The following TSPOAP1 variants were observed in gnomAD, a reference collection of about 807,000 sequenced individuals.
TSPOAP1 encodes TSPO associated protein 1.
TSPOAP1 carries 87 observed loss-of-function variants against 197.0 expected under a neutral mutation model. The ratio of observed to expected loss-of-function variants is 0.44; its 90% CI spans 0.37 to 0.53. The LOEUF (loss-of-function observed/expected upper bound fraction) is 0.53, where lower values mean the gene tolerates loss of function less well. TSPOAP1 is among the 20% of genes least tolerant of loss of function. TSPOAP1 has a pLI of 0.00. For missense variants in TSPOAP1, 2,174 were observed against 2,411.3 expected (o/e 0.90, Z 2.06); for synonymous variants, 913 against 998.9 (o/e 0.91, Z 1.62).
chr17:58,309,069 A>G lies in TSPOAP1; in HGVS notation c.4203T>C (p.Gly1401=). ...CCCCTCCTCTCCTCCGGCTGCTTCC[A>G]CCAACTAATCCAGGCATGTCTTCCA... ...DCLEDMPGLV[G]GSSRRRGGGS... is the part of the protein sequence containing the mutation. Residue 1401 remains glycine (G), a synonymous_variant, in exon 22 of 32, where the codon GGT becomes GGC. Transcript: ENST00000343736. This position sits in a 1 kb window ranked among gnomAD's most constrained non-coding sequence, Gnocchi z 5.0. The G allele has an allele frequency of 6.2e-7, 1 of 1,612,856 alleles. No homozygotes were observed. Among genetic ancestry groups the G allele is most frequent in the Non-Finnish European group, 8.5e-7 (1 of 1,179,964 alleles).
At position 58,304,031 on chromosome 17, in the gene TSPOAP1, C is replaced by T. The variant is rs553855567; in HGVS notation, c.*32+307G>A. On this transcript the variant is annotated intron_variant, in intron 31 of 31. Transcript: ENST00000343736. The surrounding 1 kb of genome is among the most constrained non-coding windows in gnomAD (Gnocchi z 4.2). ...CTGATGAGTCCTAATATGGATGTCA[C>T]GTCATGTTCTATAAACCACATGTGT... 40 of 316,850 alleles carry T rather than the reference C, an allele frequency of 1.3e-4. No homozygotes were observed. In the East Asian group the frequency reaches 2.3e-3, roughly 18 times the overall value. 19.6% of individuals were successfully genotyped at this position (316,850 alleles called of 1,614,324 possible).
In TSPOAP1 at chr17:58,327,490, C is replaced by T. The variant is rs9904629; in HGVS notation, c.333+98G>A. The stretch of plus-strand genomic sequence containing the variant: ...GACAGGCCAAGAGAGGACAGGTGGG[C>T]ATTGGGGATGCATACCTCGCCTCAC... On this transcript the variant is annotated intron_variant, in intron 1 of 31. Coordinates refer to ENST00000343736, the MANE Select transcript of TSPOAP1 (RefSeq NM_004758.4). The T allele has an allele frequency of 2.4e-3, 2,923 of 1,226,848 alleles. 46 individuals are homozygous for T. The African/African-American group carries it at 0.038, about 16-fold the overall frequency. The allele number at this position is 1,226,848 out of a possible 1,614,324, so 76.0% of individuals were successfully genotyped here. A position where few individuals can be genotyped will look rare whatever the true frequency, so the allele number is the denominator to read the frequency against.
intron 31 of TSPOAP1, chr17:58,302,826 A>G (rs1431628515): frequency 2.5e-5 from 4 of 159,234 alleles, no homozygotes; most frequent in Admixed American, 1.8e-4. Flanking sequence ...CTCCAAAAAC[A>G]TGGAGCGCAA....
rs201337655 is a variant in TSPOAP1, at chr17:58,312,476, G to A, written c.2345C>T (p.Pro782Leu). 515 of 1,609,376 alleles carry A rather than the reference G, an allele frequency of 3.2e-4. 1 individual carries two copies. Among genetic ancestry groups the A allele is most frequent in the Middle Eastern group, 1.7e-4 (1 of 6,050 alleles). ...GGCAGGAGGCTCGCCCAGGCCCTCCGGTGATGGGCTCAGACTGAGCTCGTC... is the reference window on the plus strand; with the variant it reads ...GGCAGGAGGCTCGCCCAGGCCCTCCAGTGATGGGCTCAGACTGAGCTCGTC... ...AGDELSLSPS[P>L]EGLGEPPAVP... The change falls in exon 17 of 32, where the codon CCG becomes CTG. Residue 782 changes from proline to leucine, a missense_variant. Physicochemically the swap from Pro to Leu is moderately conservative, Grantham distance 98. This residue lies in a region of TSPOAP1 where 1,933 missense variants were observed against 2,139.0 expected (regional missense o/e 0.90). Transcript: ENST00000343736.
rs750208459 is a variant in TSPOAP1 at position 58,305,638 on chromosome 17, G to A, written c.5263C>T (p.Pro1755Ser). The A allele has an allele frequency of 2.0e-6, 3 of 1,523,996 alleles. No homozygotes were observed. Among genetic ancestry groups the A allele is most frequent in the Admixed American group, 2.0e-5 (1 of 50,284 alleles). The allele number at this position is 1,523,996 out of a possible 1,614,324, so 94.4% of individuals were successfully genotyped here. The change falls in exon 28 of 32, where the codon CCT (proline) becomes TCT (serine). Residue 1755 changes from proline to serine, a missense_variant. Coordinates refer to ENST00000343736, the MANE Select transcript of TSPOAP1 (RefSeq NM_004758.4). ...EGPAQPCPGP[P>S]KLVPSADLKA... ...AGGTCAGCAGAGGGGACCAGCTTAGGGGGGCCTGCAGGGGGAGTAGGAGAA... is the reference window on the plus strand; with the variant it reads ...AGGTCAGCAGAGGGGACCAGCTTAGAGGGGCCTGCAGGGGGAGTAGGAGAA...
intron 31 of TSPOAP1, chr17:58,303,498 C>G (rs182030898): frequency 3.3e-5 from 5 of 152,032 alleles, no homozygotes; most frequent in Admixed American, 6.6e-5. Context: ...AGCCGGCTGG[C>G]GAGCCCCAGG....
Position 58,308,908 on chromosome 17 carries a change from A to T in TSPOAP1, c.4364T>A (p.Ile1455Asn). Residue 1455 changes from isoleucine to asparagine, a missense_variant, in exon 22 of 32, where the codon ATT becomes AAT. Around this residue, in one of 5 missense-constraint regions of TSPOAP1, gnomAD observed 1,933 missense variants for 2,139.0 expected, o/e 0.90. Coordinates refer to ENST00000343736, the MANE Select transcript of TSPOAP1 (RefSeq NM_004758.4). Reference protein sequence around the residue: ...PTRERGGLPVIEGPRTGLEAS... With the variant: ...PTRERGGLPVNEGPRTGLEAS... The stretch of plus-strand genomic sequence containing the variant: ...CTCTAGTCCAGTCCTGGGGCCCTCA[A>T]TTACGGGGAGGCCACCCCTCTCCCG... 6.3e-7 allele frequency: 1 copy of T among 1,596,272 alleles called. No individual in the cohort carries two copies. Among genetic ancestry groups the T allele is most frequent in the Non-Finnish European group, 8.5e-7 (1 of 1,171,022 alleles).
Position 58,326,174 on chromosome 17 carries a change from G to C in TSPOAP1, c.570+119C>G. 1 of 1,475,330 alleles carries C rather than the reference G, an allele frequency of 6.8e-7. No homozygotes were observed. The highest frequency in any genetic ancestry group is 9.1e-7 in the Non-Finnish European group (1 of 1,102,356). The allele number at this position is 1,475,330 out of a possible 1,614,324, so 91.4% of individuals were successfully genotyped here. Reference sequence around the variant, plus strand: ...CCTGCACCTTAGCCCCTAGATTCTTGCTTTCCTAGGTGCTGAGCTGAGACC... The same window carrying C: ...CCTGCACCTTAGCCCCTAGATTCTTCCTTTCCTAGGTGCTGAGCTGAGACC... On this transcript the variant is annotated intron_variant, in intron 3 of 31. Transcript: ENST00000343736. The surrounding 1 kb of genome is among the most constrained non-coding windows in gnomAD (Gnocchi z 4.7).
rs752143444 is a variant in TSPOAP1, at chr17:58,325,655, G to C, written c.629C>G (p.Ala210Gly). 1.2e-6 allele frequency: 2 copies of C among 1,613,232 alleles called. No homozygotes were observed. Among genetic ancestry groups the C allele is most frequent in the South Asian group, 2.2e-5 (2 of 91,072 alleles). The change falls in exon 4 of 32, where the codon GCC becomes GGC. Residue 210 changes from alanine (A) to glycine (G), a missense_variant. Around this residue, in one of 5 missense-constraint regions of TSPOAP1, gnomAD observed 1,933 missense variants for 2,139.0 expected, o/e 0.90. Coordinates refer to ENST00000343736, the MANE Select transcript of TSPOAP1 (RefSeq NM_004758.4). ...TSLELCRKAL[A>G]RQRARDLSET... ...ACTGAGGTCCCGGGCTCGCTGGCGG[G>C]CTAGGGCCTTCCGACACAACTCCAA...
intron 7 of TSPOAP1, 91 bp from the exon 8 acceptor site, chr17:58,323,130 G>A (rs1169804135): frequency 2.0e-6 from 3 of 1,501,458 alleles, no homozygotes; most frequent in Non-Finnish European, 2.7e-6. Context: ...CCCAGGCAAG[G>A]CCTTCCTCCC....
At position 58,312,430 on chromosome 17, in the gene TSPOAP1, C is replaced by A. The variant is rs546848917; in HGVS notation, c.2391G>T (p.Leu797=). 2 of 1,613,212 alleles carry A rather than the reference C, an allele frequency of 1.2e-6. No homozygotes were observed. Among genetic ancestry groups the A allele is most frequent in the South Asian group, 2.2e-5 (2 of 91,010 alleles). ...EPPAVPYPRR[L]VVLKQLAHSV... ...TGTGGGCCAGCTGCTTGAGGACCACCAGACGGCGGGGGTAAGGCACGGCAG... is the reference window on the plus strand; with the variant it reads ...TGTGGGCCAGCTGCTTGAGGACCACAAGACGGCGGGGGTAAGGCACGGCAG... Residue 797 remains leucine (L), a synonymous_variant, in exon 17 of 32, where the codon CTG becomes CTT. Transcript: ENST00000343736.
At position 58,326,577 on chromosome 17, in the gene TSPOAP1, C is replaced by T; in HGVS notation, c.441+106G>A. ...CTCTCTGGGTCTCAGGATTTTGTCA[C>T]CTCCATTGAGCCCCCACTTGGAAAG... On this transcript the variant is annotated intron_variant, in intron 2 of 31. Transcript: ENST00000343736. The surrounding 1 kb of genome is among the most constrained non-coding windows in gnomAD (Gnocchi z 4.7). 1.2e-5 allele frequency: 19 copies of T among 1,530,678 alleles called. No individual in the cohort carries two copies. The highest frequency in any genetic ancestry group is 1.6e-5 in the Non-Finnish European group (18 of 1,119,234). 94.8% of individuals were successfully genotyped at this position (1,530,678 alleles called of 1,614,324 possible).
chr17:58,321,198 C>T (rs1971394974), intron 10 of TSPOAP1, among the ~76,000 whole-genome samples: 2 of 152,170 alleles, frequency 1.3e-5, no homozygotes, highest in South Asian at 2.1e-4. Flanking sequence ...TCATCCTTCA[C>T]CTCACGGAGT....
At chr17:58,303,488 A>G (rs1970781136) in intron 31 of TSPOAP1, 1 of 151,982 alleles carries the variant, frequency 6.6e-6, no homozygotes, top group Non-Finnish European at 1.5e-5. Flanking sequence ...CAGAGCCAAT[A>G]GCCGGCTGGC....
chr17:58,305,669 T>C, intron 27 of TSPOAP1, 26 bp from the exon 28 acceptor site: 1 of 1,379,120 alleles, frequency 7.3e-7, no homozygotes, highest in Non-Finnish European at 1.0e-6. Context: ...GAGAAGACTC[T>C]GGACTCTCTG....
intron 25 of TSPOAP1, 90 bp from the exon 26 acceptor site, chr17:58,306,503 G>A (rs1970898418): frequency 8.0e-7 from 1 of 1,244,864 alleles, no homozygotes; most frequent in Non-Finnish European, 1.1e-6. Context: ...GCCGTGCTAG[G>A]TTACTGAGCT....
intron 26 of TSPOAP1, 65 bp from the exon 27 acceptor site, chr17:58,305,930 C>T (rs1970875777): frequency 5.7e-6 from 9 of 1,575,180 alleles, no homozygotes; most frequent in Non-Finnish European, 7.8e-6. Flanking sequence ...GGTGCTGCAG[C>T]GCAGGCCAGA....
Position 58,327,946 on chromosome 17 carries a change from C to A in TSPOAP1, c.-26G>T, listed in dbSNP as rs763622736. Reference sequence around the variant, plus strand: ...GGTACTGCCAAGGGGCCCCAGAACCCGGGCCGGGGGACATCACCCAGCCAG... The same window carrying A: ...GGTACTGCCAAGGGGCCCCAGAACCAGGGCCGGGGGACATCACCCAGCCAG... On this transcript the variant is annotated 5_prime_UTR_variant, in exon 1 of 32. Transcript: ENST00000343736. 2 of 1,554,874 alleles carry A rather than the reference C, an allele frequency of 1.3e-6. No homozygotes were observed. The highest frequency in any genetic ancestry group is 3.6e-5 in the Admixed American group (2 of 55,676).
At chr17:58,325,787 A>C in intron 3 of TSPOAP1, 74 bp from the exon 4 acceptor site, 7 of 1,453,526 alleles carry the variant, frequency 4.8e-6, no homozygotes, top group African/African-American at 1.4e-5. Flanking sequence ...TCTCCTCCCA[A>C]AGGAGGAGTT....
Sources: allele counts gnomAD v4.1 joint callset (sites outside exome capture counted in the v4.1 genomes callset), GRCh38; gene constraint gnomAD v4.1.1; regional missense constraint gnomAD v4.1.1; non-coding constraint Gnocchi (gnomAD v3.1); transcripts MANE v1.5; gene names NCBI Gene and HGNC (gene_info 2026-07-23, HGNC 2026-07-21).